The following DLG2 variants were observed in gnomAD, a reference collection of about 807,000 sequenced individuals.
DLG2 encodes the protein discs large MAGUK scaffold protein 2, also known as disks large homolog 2.
DLG2 carries 45 observed loss-of-function variants against 132.5 expected under a neutral mutation model. The ratio of observed to expected loss-of-function variants is 0.34; its 90% CI spans 0.27 to 0.44. The LOEUF (loss-of-function observed/expected upper bound fraction) is 0.44. Among genes scored for constraint, DLG2 ranks in the 20% least tolerant of loss-of-function variants. The pLI is 1.00. For missense variants in DLG2, 1,045 were observed against 1,196.9 expected (o/e 0.87, Z 1.87); for synonymous variants, 424 against 419.6 (o/e 1.01, Z -0.13).
rs375902719 is a variant in DLG2, at chr11:85,500,660, C to A, written c.40+97997G>T. Reference sequence around the variant, plus strand: ...AACAGCCAAATCATGAGTGAATTCCCATTCACAATTGCTCCTAAGAGACTA... The same window carrying A: ...AACAGCCAAATCATGAGTGAATTCCAATTCACAATTGCTCCTAAGAGACTA... On this transcript the variant is annotated intron_variant, in intron 3 of 27. Coordinates refer to ENST00000376104, the MANE Select transcript of DLG2 (RefSeq NM_001142699.3). 5.9e-4 allele frequency among the ~76,000 whole-genome samples: 90 copies of A among 152,072 alleles called. 1 individual carries two copies. The South Asian group carries it at 0.018, about 31-fold the overall frequency.
At chr11:83,663,015 T>G (rs1175709629) in intron 18 of DLG2, among the ~76,000 whole-genome samples, 1 of 152,166 alleles carries the variant, frequency 6.6e-6, no homozygotes, top group Non-Finnish European at 1.5e-5. Flanking sequence ...CTGCCTCCAT[T>G]CCTAACTAGC....
At chr11:84,102,452 T>C (rs760631223) in intron 9 of DLG2, among the ~76,000 whole-genome samples, 11 of 152,144 alleles carry the variant, frequency 7.2e-5, no homozygotes, top group Non-Finnish European at 1.6e-4. Flanking sequence ...TGTTAAGGAA[T>C]ACAATATGGA....
chr11:83,625,557 G>A (rs537729955), intron 19 of DLG2, among the ~76,000 whole-genome samples: 1 of 152,314 alleles, frequency 6.6e-6, no homozygotes, highest in South Asian at 2.1e-4. Context: ...AAGGCGAAGT[G>A]TCTAGGATGG....
At chr11:84,193,552 T>C (rs1161453638) in intron 8 of DLG2, among the ~76,000 whole-genome samples, 1 of 152,244 alleles carries the variant, frequency 6.6e-6, no homozygotes, top group African/African-American at 2.4e-5. Flanking sequence ...GCAAAGCTAA[T>C]GCAACTAATT....
chr11:85,438,975 G>C (rs1385096242), intron 3 of DLG2, among the ~76,000 whole-genome samples: 1 of 152,098 alleles, frequency 6.6e-6, no homozygotes, highest in Non-Finnish European at 1.5e-5. Context: ...TTTCTACGCA[G>C]CATAATTCCC....
At chr11:84,648,277 C>G (rs1203020386) in intron 6 of DLG2, among the ~76,000 whole-genome samples, 1 of 152,170 alleles carries the variant, frequency 6.6e-6, no homozygotes, top group Non-Finnish European at 1.5e-5. Flanking sequence ...CAGGCTGGTT[C>G]TGATACCTTG....
At chr11:83,668,946 T>C (rs2076351100) in intron 18 of DLG2, among the ~76,000 whole-genome samples, 1 of 151,622 alleles carries the variant, frequency 6.6e-6, no homozygotes, top group Non-Finnish European at 1.5e-5. Flanking sequence ...TAGTCCCTGG[T>C]AAAACTCAGA....
At chr11:84,693,525 C>T (rs141587938) in intron 6 of DLG2, among the ~76,000 whole-genome samples, 14 of 151,800 alleles carry the variant, frequency 9.2e-5, no homozygotes, top group African/African-American at 1.7e-4. Context: ...CCACCGGTGC[C>T]TCTCCATAAC....
At chr11:84,066,618 A>T (rs755477955) in intron 10 of DLG2, among the ~76,000 whole-genome samples, 1 of 152,052 alleles carries the variant, frequency 6.6e-6, no homozygotes, top group Non-Finnish European at 1.5e-5. Context: ...AAAATTAGCC[A>T]CGCATGGTGG....
At chr11:85,256,157 C>T (rs2076653000) in intron 4 of DLG2, among the ~76,000 whole-genome samples, 1 of 151,984 alleles carries the variant, frequency 6.6e-6, no homozygotes, top group African/African-American at 2.4e-5. Flanking sequence ...CTATCCTGTA[C>T]CCATATAAAC....
intron 4 of DLG2, among the ~76,000 whole-genome samples, chr11:85,183,948 A>G (rs940371702): frequency 2.0e-5 from 3 of 151,986 alleles, no homozygotes; most frequent in Non-Finnish European, 2.9e-5. Context: ...ATCTCATTAA[A>G]TTCCTACCAA....
chr11:84,053,290 A>G (rs2096435067), intron 11 of DLG2, among the ~76,000 whole-genome samples: 1 of 151,964 alleles, frequency 6.6e-6, no homozygotes, highest in Non-Finnish European at 1.5e-5. Flanking sequence ...AAGGGAGAGC[A>G]TCAGGTACTA....
intron 6 of DLG2, among the ~76,000 whole-genome samples, chr11:85,099,925 T>G (rs1023070755): frequency 2.6e-4 from 40 of 152,288 alleles, no homozygotes; most frequent in Middle Eastern, 3.4e-3. Context: ...CACTTGCGCT[T>G]CTAAAGGCTC....
chr11:84,240,711 T>G (rs899068755), intron 8 of DLG2, among the ~76,000 whole-genome samples: 12 of 152,098 alleles, frequency 7.9e-5, no homozygotes, highest in Non-Finnish European at 1.3e-4. Flanking sequence ...GGTAAGGATA[T>G]AGGAAAATGT....
chr11:84,710,164 CTG>C (rs1051638506), intron 6 of DLG2, among the ~76,000 whole-genome samples: 5 of 151,892 alleles, frequency 3.3e-5, no homozygotes, highest in African/African-American at 1.2e-4. Context: ...GAATAAAACA[CTG>C]TGGGTGGTGA....
intron 6 of DLG2, among the ~76,000 whole-genome samples, chr11:84,551,542 C>T (rs1447541905): frequency 6.6e-6 from 1 of 152,154 alleles, no homozygotes; most frequent in African/African-American, 2.4e-5. Context: ...AATCCTTAAA[C>T]AAACTTATGG....
chr11:84,282,646 G>C (rs558958130), intron 7 of DLG2, among the ~76,000 whole-genome samples: 1 of 152,044 alleles, frequency 6.6e-6, no homozygotes, highest in South Asian at 2.1e-4. Context: ...CTTGAAGAGG[G>C]GTTGGGGGAG....
chr11:84,310,656 C>T (rs904225937), intron 7 of DLG2, among the ~76,000 whole-genome samples: 4 of 152,194 alleles, frequency 2.6e-5, no homozygotes, highest in African/African-American at 9.7e-5. Flanking sequence ...TCTTCTGTTT[C>T]CCTTACCTGG....
At chr11:85,548,310 T>C (rs189055712) in intron 3 of DLG2, among the ~76,000 whole-genome samples, 2 of 152,318 alleles carry the variant, frequency 1.3e-5, no homozygotes, top group African/African-American at 4.8e-5. Flanking sequence ...TGGGTATCAC[T>C]GGTGGAGGTT....
Sources: gnomAD v4.1 joint callset for allele counts (sites outside exome capture counted in the v4.1 genomes callset) on GRCh38, gnomAD v4.1.1 for gene constraint, MANE v1.5 for transcripts, NCBI Gene and HGNC (gene_info 2026-07-23, HGNC 2026-07-21) for gene names.